RAB5A: variants seen among roughly 807,000 people sequenced by gnomAD.
RAB5A encodes the protein RAB5A, member RAS oncogene family, also known as ras-related protein Rab-5A.
Under a neutral mutation model 25.7 loss-of-function variants are expected in RAB5A, and 8 were observed. That is an observed-to-expected ratio of 0.31 (90% CI 0.18 to 0.56). The LOEUF (loss-of-function observed/expected upper bound fraction) is 0.56, where lower values mean the gene tolerates loss of function less well. Among genes scored for constraint, RAB5A ranks in the 20% least tolerant of loss-of-function variants. The pLI is 0.91. For synonymous variants in RAB5A, 98 were observed against 89.8 expected (o/e 1.09, Z -0.52); for missense variants, 192 against 259.7 (o/e 0.74, Z 1.79).
chr3:19,969,082 TTGC>T (rs1213183964), intron 2 of RAB5A, among the ~76,000 whole-genome samples: 2 of 148,484 alleles, frequency 1.3e-5, no homozygotes, highest in Admixed American at 1.3e-4. Flanking sequence ...CTCACTCTTG[TTGC>T]CCAGACTGGG....
chr3:19,948,575 A>C (rs1464066493), intron 1 of RAB5A, among the ~76,000 whole-genome samples: 1 of 152,268 alleles, frequency 6.6e-6, no homozygotes, highest in Admixed American at 6.5e-5. Flanking sequence ...CAGAAGTTTC[A>C]GTAAGCAGTG....
At chr3:19,978,498 G>C in intron 5 of RAB5A, 95 bp downstream of exon 5, 1 of 852,588 alleles carries the variant, frequency 1.2e-6, no homozygotes, top group Admixed American at 2.2e-5. Context: ...AATTTTTGGG[G>C]GTGGGTTTGT....
chr3:19,952,956 T>C (rs779077107), intron 2 of RAB5A, among the ~76,000 whole-genome samples: 4 of 152,122 alleles, frequency 2.6e-5, no homozygotes, highest in Non-Finnish European at 5.9e-5. Context: ...TATTTCACTG[T>C]TAATGGAAGC....
In RAB5A at chr3:19,983,741, C is replaced by T. The variant is rs1157810705; in HGVS notation, c.566C>T (p.Pro189Leu). ...TTGCCAAAGAATGAACCACAAAATC[C>T]AGGAGCAAATTCTGCCAGAGGAAGA... ...KKLPKNEPQN[P>L]GANSARGRGV... The change falls in exon 6 of 6, where the codon CCA becomes CTA. Residue 189 changes from proline to leucine, a missense_variant. Transcript: ENST00000273047. 2.5e-6 allele frequency: 4 copies of T among 1,611,932 alleles called. No homozygotes were observed. In the South Asian group the frequency reaches 3.3e-5, roughly 13 times the overall value.
At chr3:19,977,416 G>T (rs1696842777) in intron 4 of RAB5A, among the ~76,000 whole-genome samples, 1 of 152,156 alleles carries the variant, frequency 6.6e-6, no homozygotes, top group African/African-American at 2.4e-5. Context: ...TTGCTCTTTG[G>T]CTTCTCTACT....
At chr3:19,952,866 C>T (rs1183603333) in intron 2 of RAB5A, among the ~76,000 whole-genome samples, 11 of 151,804 alleles carry the variant, frequency 7.2e-5, no homozygotes, top group Admixed American at 6.6e-4. Flanking sequence ...GCTTTGCTTC[C>T]TCCAGAAGTG....
chr3:19,969,045 GT>G (rs386396075), intron 2 of RAB5A, among the ~76,000 whole-genome samples: 6 of 103,426 alleles, frequency 5.8e-5, no homozygotes, highest in African/African-American at 2.9e-4. Context: ...TTTTTTTTTG[GT>G]TTTTTTTTTT....
chr3:19,979,196 C>G (rs1373177703), intron 5 of RAB5A, among the ~76,000 whole-genome samples: 1 of 151,762 alleles, frequency 6.6e-6, no homozygotes, highest in Non-Finnish European at 1.5e-5. Context: ...AGGCTGGTCT[C>G]GAACTCCTGA....
At chr3:19,978,281 A>T in intron 4 of RAB5A, 29 bp from the exon 5 acceptor site, 2 of 1,435,574 alleles carry the variant, frequency 1.4e-6, no homozygotes, top group Non-Finnish European at 9.8e-7. Context: ...GATATATCTC[A>T]TATATCTCAT....
At chr3:19,975,865 T>G in intron 3 of RAB5A, 113 bp downstream of exon 3, 1 of 1,346,348 alleles carries the variant, frequency 7.4e-7, no homozygotes, top group Non-Finnish European at 1.0e-6. Flanking sequence ...ACCTTTCTGC[T>G]GAAGCTTTTG....
chr3:19,968,983 TCAC>T (rs1368024908), intron 2 of RAB5A, among the ~76,000 whole-genome samples: 2 of 151,778 alleles, frequency 1.3e-5, no homozygotes, highest in African/African-American at 4.8e-5. Context: ...TTGTACGAAA[TCAC>T]CAGCTGTGCT....
chr3:19,962,037 G>A (rs550924954), intron 2 of RAB5A, among the ~76,000 whole-genome samples: 3 of 152,292 alleles, frequency 2.0e-5, no homozygotes, highest in African/African-American at 7.2e-5. Context: ...TACGGGGCAA[G>A]AATCATCTCA....
chr3:19,965,454 C>T (rs1696647535), intron 2 of RAB5A, among the ~76,000 whole-genome samples: 1 of 151,376 alleles, frequency 6.6e-6, no homozygotes, highest in South Asian at 2.1e-4. Flanking sequence ...CGACGATGTT[C>T]AGCTGGTGAC....
intron 1 of RAB5A, chr3:19,947,797 T>C (rs773303409): frequency 6.6e-6 from 1 of 152,190 alleles, no homozygotes; most frequent in Non-Finnish European, 1.5e-5. Context: ...CCGTGGAAAG[T>C]GTACTGGAGG....
intron 4 of RAB5A, among the ~76,000 whole-genome samples, chr3:19,977,456 A>G (rs1248127529): frequency 6.6e-6 from 1 of 152,166 alleles, no homozygotes; most frequent in Admixed American, 6.5e-5. Flanking sequence ...TTCTGTATAT[A>G]TCAGTGATGA....
intron 2 of RAB5A, chr3:19,970,741 T>A (rs1364076015): frequency 2.7e-6 from 1 of 372,070 alleles, no homozygotes; most frequent in Non-Finnish European, 5.3e-6. Context: ...TGGTTAATGT[T>A]GCTACAGTAT....
At chr3:19,966,064 A>C (rs2125186534) in intron 2 of RAB5A, among the ~76,000 whole-genome samples, 1 of 152,334 alleles carries the variant, frequency 6.6e-6, no homozygotes, top group East Asian at 1.9e-4. Flanking sequence ...AATATCCGTA[A>C]CACAAAATTT....
chr3:19,970,732 G>A (rs1696737861), intron 2 of RAB5A: 1 of 377,190 alleles, frequency 2.7e-6, no homozygotes. Flanking sequence ...GTTTGTGGTT[G>A]GTTAATGTTG....
rs757289443 is a variant in RAB5A, at chr3:19,971,197, C to CAAAA, written c.164-4389_164-4386dup. ...GGGCAACAAGAGCTAAACTCCATCT[C>CAAAA]AAAAAAAAAAAAAAAAAACACTATA... On this transcript the variant is annotated intron_variant, in intron 2 of 5. Coordinates refer to ENST00000273047, the MANE Select transcript of RAB5A (RefSeq NM_004162.5). 2.6e-3 allele frequency among the ~76,000 whole-genome samples: 193 copies of CAAAA among 74,724 alleles called. 6 individuals carry two copies. The highest frequency in any genetic ancestry group is 6.2e-3 in the African/African-American group (133 of 21,616). The allele number at this position is 74,724 out of a possible 152,430, so 49.0% of individuals were successfully genotyped here.
Sources: gnomAD v4.1 joint callset for allele counts (sites outside exome capture counted in the v4.1 genomes callset) on GRCh38, gnomAD v4.1.1 for gene constraint, MANE v1.5 for transcripts, NCBI Gene and HGNC (gene_info 2026-07-23, HGNC 2026-07-21) for gene names.